The following TMPRSS11A variants were observed in gnomAD, a reference collection of about 807,000 sequenced individuals.
The protein encoded by TMPRSS11A is transmembrane protease serine 11A.
TMPRSS11A carries 53 observed loss-of-function variants against 58.9 expected under a neutral mutation model. That is an observed-to-expected ratio of 0.90 (90% CI 0.72 to 1.13). The LOEUF (loss-of-function observed/expected upper bound fraction) is 1.13. TMPRSS11A is among the 50% of genes most tolerant of loss of function. The pLI, the probability that TMPRSS11A is intolerant of heterozygous loss-of-function variation, is 0.00. For missense variants in TMPRSS11A, 493 were observed against 499.3 expected, an observed-to-expected ratio of 0.99 and a Z score of 0.12; for synonymous variants, 167 against 169.8, an observed-to-expected ratio of 0.98 and a Z score of 0.13.
At chr4:67,943,038 G>T (rs866405990) in intron 3 of TMPRSS11A, among the ~76,000 whole-genome samples, 6 of 33,402 alleles carry the variant, frequency 1.8e-4, no homozygotes, top group East Asian at 8.1e-4. Context: ...TTCCTGCAAG[G>T]GGGGAGGGTA....
chr4:67,916,484 C>CAA lies in TMPRSS11A; in HGVS notation c.953-1755_953-1754insTT, dbSNP rs1178830076. 2.5e-4 allele frequency among the ~76,000 whole-genome samples: 38 copies of CAA among 151,838 alleles called. No individual in the cohort carries two copies. The East Asian group carries it at 7.0e-3, about 28-fold the overall frequency. On this transcript the variant is annotated intron_variant, in intron 8 of 9. Coordinates refer to ENST00000508048, the MANE Select transcript of TMPRSS11A (RefSeq NM_001114387.2). ...TTTATATATATTATACACACACACA[C>CAA]ACACACACACACACACACATTTATA... is the stretch of plus-strand genomic sequence containing the variant.
chr4:67,932,120 C>A lies in TMPRSS11A; in HGVS notation c.253-60G>T, dbSNP rs1720641645. 4 of 974,106 alleles carry A rather than the reference C, an allele frequency of 4.1e-6. No individual in the cohort carries two copies. In the South Asian group the frequency reaches 6.3e-5, roughly 15 times the overall value. 60.3% of individuals were successfully genotyped at this position (974,106 alleles called of 1,614,324 possible). On this transcript the variant is annotated intron_variant, in intron 3 of 9. Transcript: ENST00000508048. ...AATATATTTTATAATAGGAATATATCCTTGATTAAATGTTAAAGCAATCAA... is the reference window on the plus strand; with the variant it reads ...AATATATTTTATAATAGGAATATATACTTGATTAAATGTTAAAGCAATCAA...
chr4:67,941,064 G>C (rs956352743), intron 3 of TMPRSS11A, among the ~76,000 whole-genome samples: 6 of 152,136 alleles, frequency 3.9e-5, no homozygotes, highest in Non-Finnish European at 5.9e-5. Context: ...TGAGAGATGA[G>C]ATATGTCTGC....
At chr4:67,947,613 G>A (rs1721055748) in intron 1 of TMPRSS11A, among the ~76,000 whole-genome samples, 1 of 152,118 alleles carries the variant, frequency 6.6e-6, no homozygotes, top group Non-Finnish European at 1.5e-5. Context: ...TACTTCAAAG[G>A]TGGTGCTGTG....
chr4:67,922,559 A>C (rs1401414159), intron 7 of TMPRSS11A, among the ~76,000 whole-genome samples, 196 bp downstream of exon 7: 1 of 152,236 alleles, frequency 6.6e-6, no homozygotes, highest in Non-Finnish European at 1.5e-5. Context: ...GATGGATACT[A>C]GGATAATGAC....
intron 2 of TMPRSS11A, among the ~76,000 whole-genome samples, chr4:67,945,949 T>A (rs780168972): frequency 2.6e-5 from 4 of 152,190 alleles, no homozygotes; most frequent in African/African-American, 4.8e-5. Context: ...TAATATTGTG[T>A]CATACGTATA....
chr4:67,963,468 C>A lies in TMPRSS11A; in HGVS notation c.-75G>T. The A allele has an allele frequency of 4.7e-6, 7 of 1,478,072 alleles. No individual in the cohort carries two copies. Among genetic ancestry groups the A allele is most frequent in the Non-Finnish European group, 6.6e-6 (7 of 1,065,400 alleles). The allele number at this position is 1,478,072 out of a possible 1,614,324, so 91.6% of individuals were successfully genotyped here. A position where few individuals can be genotyped will look rare whatever the true frequency, so the allele number is the denominator to read the frequency against. On this transcript the variant is annotated 5_prime_UTR_variant, in exon 1 of 10. Transcript: ENST00000508048. ...CTTTCTAATCAACTATATGACATCT[C>A]TAGATGTATTAGAAGTCTACGGCTC...
intron 9 of TMPRSS11A, among the ~76,000 whole-genome samples, chr4:67,911,726 T>C (rs1424297245): frequency 1.3e-5 from 2 of 152,096 alleles, no homozygotes; most frequent in East Asian, 1.9e-4. Context: ...TAAACAGCAC[T>C]TAGTTAAAAA....
intron 9 of TMPRSS11A, 111 bp downstream of exon 9, chr4:67,914,477 T>C: frequency 1.0e-6 from 1 of 1,001,606 alleles, no homozygotes; most frequent in Non-Finnish European, 1.5e-6. Context: ...TTGTAACTTT[T>C]TTGAGCTGAC....
chr4:67,939,233 T>C (rs776377350), intron 3 of TMPRSS11A, among the ~76,000 whole-genome samples: 5 of 152,146 alleles, frequency 3.3e-5, no homozygotes, highest in Non-Finnish European at 7.4e-5. Flanking sequence ...CATTATTGTT[T>C]AGAAATGCTA....
chr4:67,948,755 A>T (rs1577869817), intron 1 of TMPRSS11A, among the ~76,000 whole-genome samples: 1 of 152,290 alleles, frequency 6.6e-6, no homozygotes, highest in African/African-American at 2.4e-5. Context: ...TAACCTCCTA[A>T]ATGGCTTAAA....
At position 67,927,290 on chromosome 4, in the gene TMPRSS11A, A is replaced by C. The variant is rs1720499826; in HGVS notation, c.481+2590T>G. 2.6e-5 allele frequency among the ~76,000 whole-genome samples: 4 copies of C among 152,216 alleles called. No homozygotes were observed. The South Asian group carries it at 8.3e-4, about 31-fold the overall frequency. On this transcript the variant is annotated intron_variant, in intron 5 of 9. Coordinates refer to ENST00000508048, the MANE Select transcript of TMPRSS11A (RefSeq NM_001114387.2). The stretch of plus-strand genomic sequence containing the variant: ...GGGATCCCAGACCTGGGAGCTCCCC[A>C]AGCCAGGGTTGTGACTCCCTCTTTG...
chr4:67,946,738 A>AAG (rs397958452), intron 1 of TMPRSS11A, among the ~76,000 whole-genome samples, 167 bp from the exon 2 acceptor site: 1 of 151,154 alleles, frequency 6.6e-6, no homozygotes, highest in African/African-American at 2.4e-5. Context: ...AAAAAAAAAA[A>AAG]TCAGGATCTG....
At chr4:67,946,726 TA>T (rs34591422) in intron 1 of TMPRSS11A, among the ~76,000 whole-genome samples, 155 bp from the exon 2 acceptor site, 14 of 149,910 alleles carry the variant, frequency 9.3e-5, no homozygotes, top group Middle Eastern at 3.4e-3. Flanking sequence ...GAAGATGTGT[TA>T]AAAAAAAAAA....
At chr4:67,923,546 G>A (rs199672195) in intron 6 of TMPRSS11A, among the ~76,000 whole-genome samples, 23 of 151,962 alleles carry the variant, frequency 1.5e-4, no homozygotes, top group Admixed American at 3.9e-4. Flanking sequence ...TCACTCTGTC[G>A]CTGAGGCTGG....
chr4:67,949,653 G>T (rs2109765752), intron 1 of TMPRSS11A, among the ~76,000 whole-genome samples: 1 of 152,292 alleles, frequency 6.6e-6, no homozygotes, highest in South Asian at 2.1e-4. Context: ...GAAGTCAGAA[G>T]TTCAAGACCC....
At chr4:67,936,904 T>C (rs534194528) in intron 3 of TMPRSS11A, among the ~76,000 whole-genome samples, 24 of 152,310 alleles carry the variant, frequency 1.6e-4, no homozygotes, top group Admixed American at 1.2e-3. Context: ...AATATCTCAT[T>C]TGGATCTATT....
At position 67,922,750 on chromosome 4, in the gene TMPRSS11A, C is replaced by T. The variant is rs1720362069; in HGVS notation, c.692+5G>A. ...GTGGGTTCTAACTTAAGGTCAATAA[C>T]TTACTTCTGGAAGCAGTGTGCTGCA... On this transcript the variant is annotated splice_donor_5th_base_variant and intron_variant, in intron 7 of 9. Transcript: ENST00000508048. The T allele has an allele frequency of 6.2e-7, 1 of 1,612,730 alleles. No individual in the cohort carries two copies. Among genetic ancestry groups the T allele is most frequent in the Non-Finnish European group, 8.5e-7 (1 of 1,178,976 alleles).
chr4:67,951,470 G>A (rs1247231597), intron 1 of TMPRSS11A, among the ~76,000 whole-genome samples: 1 of 152,074 alleles, frequency 6.6e-6, no homozygotes, highest in South Asian at 2.1e-4. Context: ...TACTTCCCAA[G>A]GATCTTACTT....
Sources: allele counts gnomAD v4.1 joint callset (sites outside exome capture counted in the v4.1 genomes callset), GRCh38; gene constraint gnomAD v4.1.1; transcripts MANE v1.5; gene names NCBI Gene and HGNC (gene_info 2026-07-23, HGNC 2026-07-21).